SLC5A1: variants seen among roughly 807,000 people sequenced by gnomAD.
The protein encoded by SLC5A1 is solute carrier family 5 member 1, also known as sodium/glucose cotransporter 1.
In SLC5A1, 42 loss-of-function variants were observed where a neutral mutation model predicts 73.5. The observed-to-expected ratio is 0.57, with a 90% CI of 0.45 to 0.74. The LOEUF (loss-of-function observed/expected upper bound fraction) is 0.74, where lower values mean the gene tolerates loss of function less well. Among genes scored for constraint, SLC5A1 ranks in the 30% least tolerant of loss-of-function variants. The probability of loss-of-function intolerance (pLI) is 0.00; values close to 1 mark genes in which losing one functional copy is unlikely to be tolerated. For synonymous variants in SLC5A1, 300 were observed against 317.4 expected, an observed-to-expected ratio of 0.95 and a Z score of 0.58; for missense variants, 634 against 855.4, an observed-to-expected ratio of 0.74 and a Z score of 3.23.
At chr22:32,096,250 C>G (rs1249385517) in intron 11 of SLC5A1, among the ~76,000 whole-genome samples, 1 of 152,174 alleles carries the variant, frequency 6.6e-6, no homozygotes, top group Non-Finnish European at 1.5e-5. Context: ...TTGAACAATG[C>G]CCCTCTGGAG....
At chr22:32,082,041 A>T in intron 6 of SLC5A1, 70 bp downstream of exon 6, 1 of 979,778 alleles carries the variant, frequency 1.0e-6, no homozygotes, top group Middle Eastern at 2.1e-4. Flanking sequence ...GGATAAAGGG[A>T]AGTAGGAGAG....
chr22:32,107,154 C>A (rs2094047676), intron 14 of SLC5A1, among the ~76,000 whole-genome samples: 1 of 152,140 alleles, frequency 6.6e-6, no homozygotes, highest in African/African-American at 2.4e-5. Context: ...CTGAAAACAG[C>A]CCCTTCCTGC....
chr22:32,091,870 AT>A, intron 11 of SLC5A1, 108 bp downstream of exon 11: 1 of 1,071,016 alleles, frequency 9.3e-7, no homozygotes, highest in Admixed American at 1.7e-5. Context: ...TAGAATGGGA[AT>A]AATTTCTGTG....
chr22:32,047,352 C>T (rs2093938524), intron 1 of SLC5A1, among the ~76,000 whole-genome samples: 1 of 151,376 alleles, frequency 6.6e-6, no homozygotes, highest in Non-Finnish European at 1.5e-5. Context: ...CACATTCTTC[C>T]TCTAAGCTCT....
chr22:32,104,685 A>G (rs1221153614), intron 13 of SLC5A1, 101 bp from the exon 14 acceptor site: 1 of 813,534 alleles, frequency 1.2e-6, no homozygotes, highest in Non-Finnish European at 2.1e-6. Context: ...GAGATGCCAC[A>G]TTCCCTTCCC....
At chr22:32,076,075 T>A (rs2093990452) in intron 5 of SLC5A1, among the ~76,000 whole-genome samples, 1 of 152,152 alleles carries the variant, frequency 6.6e-6, no homozygotes, top group Non-Finnish European at 1.5e-5. Context: ...TAGTGTGAGA[T>A]TCCTGTCCAG....
intron 5 of SLC5A1, among the ~76,000 whole-genome samples, chr22:32,078,954 C>CAAAAAAAAAAAAA (rs6147589): frequency 9.2e-6 from 1 of 109,116 alleles, no homozygotes; most frequent in African/African-American, 4.4e-5. Flanking sequence ...ACTCTGTCTC[C>CAAAAAAAAAAAAA]AAAAAAAAAA....
At position 32,059,326 on chromosome 22, in the gene SLC5A1, G is replaced by T. The variant is rs138811024; in HGVS notation, c.208-7609G>T. 8.1e-6 allele frequency: 8 copies of T among 985,624 alleles called. No homozygotes were observed. The East Asian group carries it at 7.9e-4, about 98-fold the overall frequency. The allele number at this position is 985,624 out of a possible 1,614,324, so 61.1% of individuals were successfully genotyped here. On this transcript the variant is annotated intron_variant, in intron 2 of 14. Coordinates refer to ENST00000266088, the MANE Select transcript of SLC5A1 (RefSeq NM_000343.4). ...GGGATGTGACACGCACCAGGAGAGG[G>T]GAACAGACAACACATGAGGTAAGAG...
intron 2 of SLC5A1, chr22:32,059,136 C>T (rs541945968): frequency 6.1e-6 from 6 of 985,350 alleles, no homozygotes; most frequent in Middle Eastern, 5.2e-4. Context: ...AATTCCTCTT[C>T]TGAATTTCAT....
intron 5 of SLC5A1, among the ~76,000 whole-genome samples, chr22:32,080,007 C>G (rs2093997028): frequency 6.6e-6 from 1 of 152,318 alleles, no homozygotes; most frequent in South Asian, 2.1e-4. Context: ...CTGAGAATCA[C>G]AAGTCCCTGG....
chr22:32,068,674 C>A, intron 5 of SLC5A1, 74 bp downstream of exon 5: 2 of 1,007,042 alleles, frequency 2.0e-6, no homozygotes, highest in Non-Finnish European at 3.1e-6. Context: ...TGCTGCCCAC[C>A]AAGAGGCGGC....
chr22:32,083,742 A>C (rs921672799), intron 7 of SLC5A1, among the ~76,000 whole-genome samples: 19 of 151,652 alleles, frequency 1.3e-4, no homozygotes, highest in African/African-American at 4.6e-4. Flanking sequence ...AAGGGTACTT[A>C]TTATGGGAGG....
chr22:32,079,777 G>T (rs2093996675), intron 5 of SLC5A1, among the ~76,000 whole-genome samples: 1 of 152,198 alleles, frequency 6.6e-6, no homozygotes, highest in Non-Finnish European at 1.5e-5. Flanking sequence ...GTAGAGGCAT[G>T]AGAGGAGAGG....
In SLC5A1 at chr22:32,110,582, G is replaced by T; in HGVS notation, c.*369G>T. The T allele has an allele frequency of 3.1e-6, 1 of 318,016 alleles. No individual in the cohort carries two copies. Among genetic ancestry groups the T allele is most frequent in the South Asian group, 3.0e-5 (1 of 33,898 alleles). 19.7% of individuals were successfully genotyped at this position (318,016 alleles called of 1,614,324 possible). On this transcript the variant is annotated 3_prime_UTR_variant, in exon 15 of 15. Transcript: ENST00000266088. ...CCTTGAATATTGTTTTAGAAACTTTGGTCTCCCTGGTTCCTGCCACTTTTC... is the reference window on the plus strand; with the variant it reads ...CCTTGAATATTGTTTTAGAAACTTTTGTCTCCCTGGTTCCTGCCACTTTTC...
intron 10 of SLC5A1, 90 bp from the exon 11 acceptor site, chr22:32,091,522 G>C: frequency 6.8e-7 from 1 of 1,467,162 alleles, no homozygotes; most frequent in Non-Finnish European, 9.5e-7. Flanking sequence ...GGTTTCAGAA[G>C]GCAAACAAAT....
In SLC5A1 at chr22:32,076,176, AG is replaced by A. The variant is rs2093990630; in HGVS notation, c.478-5687del. 7.2e-5 allele frequency among the ~76,000 whole-genome samples: 11 copies of A among 152,322 alleles called. No individual in the cohort carries two copies. In the South Asian group the frequency reaches 2.3e-3, roughly 32 times the overall value. ...ATTAATGGGAGAGAGGAGAAAGTAC[AG>A]GGCATTGTAGGTGCAGAGCCCAGAT... On this transcript the variant is annotated intron_variant, in intron 5 of 14. Transcript: ENST00000266088.
chr22:32,093,218 G>A (rs568377003), intron 11 of SLC5A1, among the ~76,000 whole-genome samples: 2 of 152,254 alleles, frequency 1.3e-5, no homozygotes, highest in South Asian at 4.1e-4. Context: ...TTATAGTATA[G>A]TTTGAAGTCA....
intron 2 of SLC5A1, among the ~76,000 whole-genome samples, chr22:32,066,463 G>A (rs1414076733): frequency 1.3e-5 from 2 of 152,118 alleles, no homozygotes; most frequent in African/African-American, 4.8e-5. Flanking sequence ...AAGGTCCAGA[G>A]GCTTCCTTTG....
chr22:32,047,022 C>A (rs1294228127), intron 1 of SLC5A1, among the ~76,000 whole-genome samples: 2 of 151,932 alleles, frequency 1.3e-5, no homozygotes, highest in Non-Finnish European at 2.9e-5. Flanking sequence ...TATGGTAACA[C>A]AAAGTAAAAA....
Sources: allele counts gnomAD v4.1 joint callset (sites outside exome capture counted in the v4.1 genomes callset), GRCh38; gene constraint gnomAD v4.1.1; transcripts MANE v1.5; gene names NCBI Gene and HGNC (gene_info 2026-07-23, HGNC 2026-07-21).